Variants in TSPAN18 observed in about 807,000 individuals in gnomAD.
TSPAN18 encodes the protein tetraspanin-18.
TSPAN18 carries 14 observed loss-of-function variants against 27.3 expected under a neutral mutation model. That is an observed-to-expected ratio of 0.51 (90% CI 0.34 to 0.80). The LOEUF (loss-of-function observed/expected upper bound fraction) is 0.80. Among genes scored for constraint, TSPAN18 ranks in the 30% least tolerant of loss-of-function variants. The pLI, the probability that TSPAN18 is intolerant of heterozygous loss-of-function variation, is 0.01. For missense variants in TSPAN18, 268 were observed against 323.9 expected, an observed-to-expected ratio of 0.83 and a Z score of 1.32; for synonymous variants, 143 against 136.5, an observed-to-expected ratio of 1.05 and a Z score of -0.33.
At chr11:44,744,858 C>T (rs977518152) in intron 1 of TSPAN18, among the ~76,000 whole-genome samples, 20 of 152,286 alleles carry the variant, frequency 1.3e-4, no homozygotes, top group African/African-American at 4.3e-4. Context: ...CACTTTTCAT[C>T]GCAAATGCCA....
rs184995097 is a variant in TSPAN18, at chr11:44,774,881, A to G, written c.-153+10369A>G. Among the ~76,000 whole-genome samples the G allele has an allele frequency of 2.3e-3, 351 of 152,216 alleles. 2 individuals are homozygous for G. The highest frequency in any genetic ancestry group is 8.2e-3 in the African/African-American group (341 of 41,516). On this transcript the variant is annotated intron_variant, in intron 2 of 9. Transcript: ENST00000520358. ...AAAATGAAGGGAAAAGAAATCATTC[A>G]CTTCCTCTCTTAGGACCAGAGCCTC...
intron 3 of TSPAN18, among the ~76,000 whole-genome samples, chr11:44,881,392 G>T (rs79779216): frequency 6.6e-6 from 1 of 152,248 alleles, no homozygotes; most frequent in East Asian, 1.9e-4. Context: ...AGGAGCAGCT[G>T]GGCAGCTGTA....
At chr11:44,847,333 T>C (rs574368180) in intron 2 of TSPAN18, among the ~76,000 whole-genome samples, 28 of 152,346 alleles carry the variant, frequency 1.8e-4, no homozygotes, top group Non-Finnish European at 3.5e-4. Flanking sequence ...TATGAGCTCA[T>C]TGACCTCCTG....
At chr11:44,908,779 GAAA>G (rs1564992658) in intron 4 of TSPAN18, among the ~76,000 whole-genome samples, 3 of 105,786 alleles carry the variant, frequency 2.8e-5, no homozygotes, top group African/African-American at 1.3e-4. Flanking sequence ...GAGAAAGAAA[GAAA>G]GAAAGAAAGA....
intron 1 of TSPAN18, among the ~76,000 whole-genome samples, chr11:44,735,808 C>T (rs763511663): frequency 3.3e-5 from 5 of 152,096 alleles, no homozygotes; most frequent in South Asian, 2.1e-4. Flanking sequence ...TTAGTAGAGA[C>T]GGGTTTCACT....
chr11:44,889,838 C>A (rs1202611392), intron 3 of TSPAN18, among the ~76,000 whole-genome samples: 1 of 152,220 alleles, frequency 6.6e-6, no homozygotes, highest in African/African-American at 2.4e-5. Flanking sequence ...AAAACAGAGA[C>A]TCTTGGGCCC....
intron 3 of TSPAN18, among the ~76,000 whole-genome samples, chr11:44,868,153 C>G (rs774946709): frequency 3.9e-5 from 6 of 152,096 alleles, no homozygotes; most frequent in Non-Finnish European, 7.4e-5. Flanking sequence ...GGAGCCCTGC[C>G]CTGTTACTAG....
chr11:44,920,536 G>GT (rs1860089402), intron 8 of TSPAN18, among the ~76,000 whole-genome samples: 1 of 152,118 alleles, frequency 6.6e-6, no homozygotes, highest in African/African-American at 2.4e-5. Context: ...CTTCCTGCAC[G>GT]TGCCATTTCT....
intron 8 of TSPAN18, among the ~76,000 whole-genome samples, chr11:44,923,117 GA>G (rs549981265): frequency 6.6e-6 from 1 of 151,980 alleles, no homozygotes; most frequent in Admixed American, 6.6e-5. Context: ...TCAAAAAAAA[GA>G]AAAAAAGAAG....
intron 3 of TSPAN18, among the ~76,000 whole-genome samples, chr11:44,872,214 A>G (rs1590610948): frequency 6.6e-6 from 1 of 152,264 alleles, no homozygotes; most frequent in East Asian, 1.9e-4. Flanking sequence ...TACAGGCATG[A>G]GCCACTGTGC....
In TSPAN18 at chr11:44,880,031, G is replaced by T. The variant is rs917363353; in HGVS notation, c.-11+19562G>T. Among the ~76,000 whole-genome samples, 3 of 152,230 alleles carry T rather than the reference G, an allele frequency of 2.0e-5. No individual in the cohort carries two copies. In the East Asian group the frequency reaches 5.8e-4, roughly 29 times the overall value. On this transcript the variant is annotated intron_variant, in intron 3 of 9. Transcript: ENST00000520358. ...TCACCGCACCAAGGAGGCGACGCTGGGGGGAGGCTGGACGGTGGAGGAAGG... is the reference window on the plus strand; with the variant it reads ...TCACCGCACCAAGGAGGCGACGCTGTGGGGAGGCTGGACGGTGGAGGAAGG...
intron 2 of TSPAN18, among the ~76,000 whole-genome samples, chr11:44,842,050 G>T (rs1228164708): frequency 6.6e-6 from 1 of 152,192 alleles, no homozygotes; most frequent in African/African-American, 2.4e-5. Context: ...TGGGAAACAG[G>T]TTGTTAGCGT....
At chr11:44,919,670 C>T (rs771436852) in intron 7 of TSPAN18, 147 bp from the exon 8 acceptor site, 63 of 794,382 alleles carry the variant, frequency 7.9e-5, no homozygotes, top group Middle Eastern at 5.4e-4. Context: ...GAGTGGCTTT[C>T]CCATGGTCAC....
chr11:44,735,468 C>G (rs1212746284), intron 1 of TSPAN18, among the ~76,000 whole-genome samples: 1 of 152,188 alleles, frequency 6.6e-6, no homozygotes, highest in African/African-American at 2.4e-5. Context: ...TTGCCTCTTC[C>G]TAGCTTCTGG....
chr11:44,885,823 A>G (rs887586744), intron 3 of TSPAN18: 1 of 152,176 alleles, frequency 6.6e-6, no homozygotes, highest in Non-Finnish European at 1.5e-5. Context: ...ACCTGTAGTC[A>G]TTCCTCTTAT....
intron 3 of TSPAN18, 135 bp downstream of exon 3, chr11:44,860,604 C>T (rs1396186933): frequency 6.6e-6 from 1 of 152,250 alleles, no homozygotes; most frequent in East Asian, 1.9e-4. Context: ...TCCCATCACA[C>T]CAAAGGTCCG....
intron 1 of TSPAN18, among the ~76,000 whole-genome samples, chr11:44,738,141 G>A (rs953720159): frequency 2.0e-5 from 3 of 152,160 alleles, no homozygotes; most frequent in South Asian, 2.1e-4. Flanking sequence ...CTCAGAAGGT[G>A]CCTGAGAAAT....
intron 2 of TSPAN18, among the ~76,000 whole-genome samples, chr11:44,802,261 C>T (rs1856496645): frequency 6.7e-6 from 1 of 149,894 alleles, no homozygotes; most frequent in Non-Finnish European, 1.5e-5. Flanking sequence ...AGCAGACAGA[C>T]ACAAAGGCTC....
chr11:44,866,399 C>T (rs1858036779), intron 3 of TSPAN18, among the ~76,000 whole-genome samples: 2 of 152,204 alleles, frequency 1.3e-5, no homozygotes, highest in Admixed American at 6.5e-5. Flanking sequence ...TGATCCGAAA[C>T]ATTTGGGAAA....
Sources: gnomAD v4.1 joint callset for allele counts (sites outside exome capture counted in the v4.1 genomes callset) on GRCh38, gnomAD v4.1.1 for gene constraint, MANE v1.5 for transcripts, NCBI Gene and HGNC (gene_info 2026-07-23, HGNC 2026-07-21) for gene names.